The following TMA16 variants were observed in gnomAD, a reference collection of about 807,000 sequenced individuals.
The protein encoded by TMA16 is translation machinery-associated protein 16.
In TMA16, 26 loss-of-function variants were observed where a neutral mutation model predicts 27.1. That is an observed-to-expected ratio of 0.96 (90% CI 0.70 to 1.33). The LOEUF (loss-of-function observed/expected upper bound fraction) is 1.33, where lower values mean the gene tolerates loss of function less well. TMA16 is among the 40% of genes most tolerant of loss of function. The pLI, the probability that TMA16 is intolerant of heterozygous loss-of-function variation, is 0.00. For synonymous variants in TMA16, 71 were observed against 81.9 expected, an observed-to-expected ratio of 0.87 and a Z score of 0.72; for missense variants, 233 against 241.4, an observed-to-expected ratio of 0.97 and a Z score of 0.23.
intron 5 of TMA16, chr4:163,516,143 A>G (rs1330071811): frequency 3.3e-5 from 5 of 152,312 alleles, no homozygotes; most frequent in Non-Finnish European, 2.9e-5. Flanking sequence ...AGTTGGCAGT[A>G]TTTATCAGAG....
chr4:163,517,363 T>G, intron 5 of TMA16, 71 bp from the exon 6 acceptor site: 1 of 1,396,046 alleles, frequency 7.2e-7, no homozygotes, highest in Non-Finnish European at 1.0e-6. Context: ...TAAAAATTAT[T>G]ATTTGTTGTA....
chr4:163,516,810 A>G (rs1737885223), intron 5 of TMA16, among the ~76,000 whole-genome samples: 1 of 152,146 alleles, frequency 6.6e-6, no homozygotes, highest in South Asian at 2.1e-4. Flanking sequence ...TTAAACATTA[A>G]TTCTTGCATT....
intron 2 of TMA16, among the ~76,000 whole-genome samples, chr4:163,507,458 C>G (rs985117567): frequency 6.6e-6 from 1 of 152,060 alleles, no homozygotes; most frequent in African/African-American, 2.4e-5. Flanking sequence ...TACATTTGAA[C>G]AGAGAGTTGA....
chr4:163,518,867 C>T (rs1294216125), intron 6 of TMA16, among the ~76,000 whole-genome samples: 3 of 152,042 alleles, frequency 2.0e-5, no homozygotes, highest in African/African-American at 7.2e-5. Flanking sequence ...CCTCCAAAGC[C>T]AGAAACAAGA....
At chr4:163,508,483 A>G (rs1040624684) in intron 2 of TMA16, among the ~76,000 whole-genome samples, 16 of 152,196 alleles carry the variant, frequency 1.1e-4, no homozygotes, top group Non-Finnish European at 2.9e-5. Context: ...TCAAATAGAT[A>G]CTATTACCTG....
chr4:163,509,227 G>A (rs1419009390), intron 2 of TMA16, among the ~76,000 whole-genome samples: 1 of 152,088 alleles, frequency 6.6e-6, no homozygotes, highest in Non-Finnish European at 1.5e-5. Flanking sequence ...GTCACAAAAG[G>A]CACGTTGAAA....
intron 5 of TMA16, 121 bp from the exon 6 acceptor site, chr4:163,517,313 G>A: frequency 1.1e-6 from 1 of 902,014 alleles, no homozygotes; most frequent in East Asian, 2.7e-5. Context: ...GTTAATTACA[G>A]CAATACTTCG....
At position 163,517,448 on chromosome 4, in the gene TMA16, C is replaced by T. The variant is rs774333294; in HGVS notation, c.403C>T (p.Leu135=). The part of the protein sequence containing the change: ...EGYGLEIPDI[L]NASNLKTFRE... ...TTCTTTTCCAGAGATTCCAGACATT[C>T]TAAATGCAAGTAATCTGAAAACATT... The change falls in exon 6 of 7, where the codon CTA becomes TTA. Residue 135 remains leucine, a synonymous_variant. Transcript: ENST00000358572. 6.2e-7 allele frequency: 1 copy of T among 1,613,430 alleles called. No homozygotes were observed. The highest frequency in any genetic ancestry group is 8.5e-7 in the Non-Finnish European group (1 of 1,179,690).
At chr4:163,502,587 T>A (rs969390087) in intron 1 of TMA16, among the ~76,000 whole-genome samples, 1 of 152,226 alleles carries the variant, frequency 6.6e-6, no homozygotes, top group Non-Finnish European at 1.5e-5. Context: ...AAATTATTCT[T>A]GGATCCCTTC....
At chr4:163,510,594 T>A (rs1170991433) in intron 2 of TMA16, among the ~76,000 whole-genome samples, 1 of 152,226 alleles carries the variant, frequency 6.6e-6, no homozygotes, top group East Asian at 1.9e-4. Flanking sequence ...TATTATTCCA[T>A]CCTCAGGCAA....
chr4:163,507,348 A>G (rs185700514), intron 2 of TMA16, among the ~76,000 whole-genome samples: 1 of 152,168 alleles, frequency 6.6e-6, no homozygotes, highest in African/African-American at 2.4e-5. Flanking sequence ...ATGTAGCAGT[A>G]GGTGATGAGT....
intron 5 of TMA16, among the ~76,000 whole-genome samples, chr4:163,516,744 A>AT (rs997644646): frequency 6.0e-5 from 9 of 150,890 alleles, no homozygotes; most frequent in South Asian, 2.1e-4. Flanking sequence ...TTTAAGCAAA[A>AT]TTTTTTTTTT....
rs1737920871 is a variant in TMA16, at chr4:163,518,615, G to A, written c.432-719G>A. Among the ~76,000 whole-genome samples the A allele has an allele frequency of 2.6e-5, 4 of 152,090 alleles. No homozygotes were observed. In the South Asian group the frequency reaches 8.3e-4, roughly 32 times the overall value. ...AGGGGTCTTATATTTAATGTTAATTGAAATTAGGTAAATTTAAATCCAGTC... is the reference window on the plus strand; with the variant it reads ...AGGGGTCTTATATTTAATGTTAATTAAAATTAGGTAAATTTAAATCCAGTC... On this transcript the variant is annotated intron_variant, in intron 6 of 6. Coordinates refer to ENST00000358572, the MANE Select transcript of TMA16 (RefSeq NM_018352.3).
intron 2 of TMA16, among the ~76,000 whole-genome samples, chr4:163,508,816 A>C (rs1040977040): frequency 1.3e-5 from 2 of 152,228 alleles, no homozygotes; most frequent in African/African-American, 2.4e-5. Flanking sequence ...GTATGTTGTC[A>C]GGTATATTCA....
rs1166426355 is a variant in TMA16, at chr4:163,519,355, G to A, written c.453G>A (p.Lys151=). 9.4e-6 allele frequency: 15 copies of A among 1,588,070 alleles called. No homozygotes were observed. Among genetic ancestry groups the A allele is most frequent in the African/African-American group, 1.4e-5 (1 of 72,850 alleles). The change falls in exon 7 of 7, where the codon AAG becomes AAA. Residue 151 remains lysine (K), a synonymous_variant. Coordinates refer to ENST00000358572, the MANE Select transcript of TMA16 (RefSeq NM_018352.3). ...CTAGGGAATGGGACTTTGATCTGAA[G>A]AAATTACCAAACATTAAAATGAGAA... ...KTFREWDFDL[K]KLPNIKMRKI...
chr4:163,495,381 C>T (rs555877601), intron 1 of TMA16, among the ~76,000 whole-genome samples: 3 of 152,322 alleles, frequency 2.0e-5, no homozygotes, highest in African/African-American at 7.2e-5. Context: ...CAGGAATTCT[C>T]GTTTACCCAT....
intron 2 of TMA16, among the ~76,000 whole-genome samples, chr4:163,510,390 C>T (rs969410998): frequency 2.0e-5 from 3 of 152,124 alleles, no homozygotes; most frequent in Non-Finnish European, 2.9e-5. Context: ...CAGTCCTCAC[C>T]CTCTACCCCT....
intron 4 of TMA16, 40 bp from the exon 5 acceptor site, chr4:163,515,273 A>G: frequency 6.3e-7 from 1 of 1,579,068 alleles, no homozygotes. Flanking sequence ...CCCAATACAT[A>G]TACTTTGTAT....
intron 1 of TMA16, among the ~76,000 whole-genome samples, chr4:163,497,669 C>T (rs1395614882): frequency 6.6e-6 from 1 of 152,164 alleles, no homozygotes. Flanking sequence ...GACAGTGATC[C>T]TCCTGCCTTC....
Sources: allele counts gnomAD v4.1 joint callset (sites outside exome capture counted in the v4.1 genomes callset), GRCh38; gene constraint gnomAD v4.1.1; transcripts MANE v1.5; gene names NCBI Gene and HGNC (gene_info 2026-07-23, HGNC 2026-07-21).